CNBD1: variants seen among roughly 807,000 people sequenced by gnomAD.
The protein encoded by CNBD1 is cyclic nucleotide-binding domain-containing protein 1.
CNBD1 carries 71 observed loss-of-function variants against 54.4 expected under a neutral mutation model. That is an observed-to-expected ratio of 1.30 (90% confidence interval 1.08 to 1.59). CNBD1 has a LOEUF of 1.59. Ranked by LOEUF, CNBD1 falls within the 40% of genes most tolerant of loss-of-function variation. CNBD1 has a pLI of 0.00. For synonymous variants in CNBD1, 182 were observed against 170.7 expected (o/e 1.07, Z -0.51); for missense variants, 659 against 518.0 (o/e 1.27, Z -2.64).
At chr8:87,412,880 C>A (rs199620823) in intron 2 of CNBD1, among the ~76,000 whole-genome samples, 1 of 151,856 alleles carries the variant, frequency 6.6e-6, no homozygotes, top group East Asian at 1.9e-4. Context: ...GGTAAACATG[C>A]GAAAAGAAGG....
At chr8:87,380,363 T>C (rs1349824542) in intron 10 of CNBD1, among the ~76,000 whole-genome samples, 1 of 151,918 alleles carries the variant, frequency 6.6e-6, no homozygotes, top group Non-Finnish European at 1.5e-5. Flanking sequence ...TTATATTGTG[T>C]TCTATTACTC....
intron 8 of CNBD1, among the ~76,000 whole-genome samples, chr8:87,315,488 A>T (rs1809366769): frequency 6.6e-6 from 1 of 151,922 alleles, no homozygotes; most frequent in South Asian, 2.1e-4. Flanking sequence ...CTCATGACTG[A>T]AGGCAAAAGG....
chr8:87,414,388 G>A (rs1234741622), intron 2 of CNBD1, among the ~76,000 whole-genome samples: 1 of 152,044 alleles, frequency 6.6e-6, no homozygotes, highest in Non-Finnish European at 1.5e-5. Context: ...GGGGAGAGGT[G>A]GGAGGGATAG....
chr8:86,962,702 C>G (rs535415088), intron 4 of CNBD1, among the ~76,000 whole-genome samples: 1 of 152,072 alleles, frequency 6.6e-6, no homozygotes, highest in Admixed American at 6.5e-5. Flanking sequence ...AGGAGAATGG[C>G]ATGAACCTGG....
intron 2 of CNBD1, among the ~76,000 whole-genome samples, chr8:87,410,337 C>A (rs1807720475): frequency 6.6e-6 from 1 of 152,156 alleles, no homozygotes; most frequent in Non-Finnish European, 1.5e-5. Flanking sequence ...AGTGATTCCT[C>A]TGATGGTTCT....
At chr8:86,913,626 G>T (rs542909044) in intron 3 of CNBD1, among the ~76,000 whole-genome samples, 16 of 152,244 alleles carry the variant, frequency 1.1e-4, no homozygotes, top group Admixed American at 8.5e-4. Flanking sequence ...CACAAATAGG[G>T]TGTTGTTCAC....
At chr8:87,337,224 C>T (rs10101169) in intron 8 of CNBD1, among the ~76,000 whole-genome samples, 6 of 151,988 alleles carry the variant, frequency 3.9e-5, no homozygotes, top group Non-Finnish European at 7.4e-5. Context: ...TTTGGCTGTC[C>T]CTTGGTGGAG....
At chr8:87,050,112 T>G (rs1363585030) in intron 4 of CNBD1, among the ~76,000 whole-genome samples, 1 of 152,190 alleles carries the variant, frequency 6.6e-6, no homozygotes, top group Non-Finnish European at 1.5e-5. Context: ...GAGAGTGAGT[T>G]TTAGCACCTG....
At chr8:86,885,567 T>C (rs996750486) in intron 1 of CNBD1, among the ~76,000 whole-genome samples, 21 of 152,324 alleles carry the variant, frequency 1.4e-4, no homozygotes, top group African/African-American at 5.0e-4. Context: ...ACTTTATCCC[T>C]GTATTAAATT....
chr8:87,328,816 A>C (rs934962013), intron 8 of CNBD1, among the ~76,000 whole-genome samples: 2 of 152,042 alleles, frequency 1.3e-5, no homozygotes, highest in Non-Finnish European at 2.9e-5. Context: ...CAAGCCTTTC[A>C]CTTTCATGGT....
chr8:87,035,663 T>A (rs373634206), intron 4 of CNBD1, among the ~76,000 whole-genome samples: 3 of 152,178 alleles, frequency 2.0e-5, no homozygotes, highest in East Asian at 3.8e-4. Context: ...TTGTGGCAGT[T>A]ATGATGAGGT....
intron 4 of CNBD1, among the ~76,000 whole-genome samples, chr8:86,943,580 T>C (rs934786255): frequency 5.9e-5 from 9 of 151,940 alleles, no homozygotes; most frequent in African/African-American, 1.5e-4. Flanking sequence ...ATTAAAATCA[T>C]GGGGGTGGTG....
At chr8:87,032,233 G>T (rs1048251467) in intron 4 of CNBD1, among the ~76,000 whole-genome samples, 2 of 152,132 alleles carry the variant, frequency 1.3e-5, no homozygotes, top group African/African-American at 4.8e-5. Flanking sequence ...ACAATGTGGG[G>T]GGTAGGGGCG....
At chr8:87,375,835 C>T (rs909141973) in intron 10 of CNBD1, among the ~76,000 whole-genome samples, 1 of 151,850 alleles carries the variant, frequency 6.6e-6, no homozygotes, top group African/African-American at 2.4e-5. Flanking sequence ...TAAATACTTT[C>T]CTAATATGCT....
chr8:87,262,765 C>G (rs74515025), intron 6 of CNBD1, among the ~76,000 whole-genome samples: 3 of 152,126 alleles, frequency 2.0e-5, no homozygotes, highest in Non-Finnish European at 2.9e-5. Context: ...AATATAAACA[C>G]TTTAAAAGAT....
intron 6 of CNBD1, among the ~76,000 whole-genome samples, chr8:87,242,891 A>G (rs181570536): frequency 1.3e-5 from 2 of 152,178 alleles, no homozygotes; most frequent in Admixed American, 1.3e-4. Context: ...AATATTCTTT[A>G]TTTTCTTGTA....
At chr8:87,266,421 TA>T (rs541109611) in intron 6 of CNBD1, among the ~76,000 whole-genome samples, 125 of 72,846 alleles carry the variant, frequency 1.7e-3, no homozygotes, top group African/African-American at 2.6e-3. Context: ...GAGGTCCAAG[TA>T]AAAAAAAAAA....
intron 3 of CNBD1, among the ~76,000 whole-genome samples, chr8:86,928,442 G>T (rs1239786755): frequency 6.6e-6 from 1 of 152,160 alleles, no homozygotes; most frequent in East Asian, 1.9e-4. Flanking sequence ...GCACAGTGAA[G>T]GTTATATTGT....
At chr8:86,870,599 G>A (rs1266370965) in intron 1 of CNBD1, among the ~76,000 whole-genome samples, 3 of 152,046 alleles carry the variant, frequency 2.0e-5, no homozygotes, top group Non-Finnish European at 2.9e-5. Context: ...ATTCCTAAGC[G>A]TTCAAAGGCG....
Sources: gnomAD v4.1 joint callset for allele counts (sites outside exome capture counted in the v4.1 genomes callset) on GRCh38, gnomAD v4.1.1 for gene constraint, MANE v1.5 for transcripts, NCBI Gene and HGNC (gene_info 2026-07-23, HGNC 2026-07-21) for gene names.